RBPJ: variants seen among roughly 807,000 people sequenced by gnomAD.
RBPJ encodes recombination signal binding protein for immunoglobulin kappa J region.
RBPJ carries 9 observed loss-of-function variants against 67.8 expected under a neutral mutation model. That is an observed-to-expected ratio of 0.13 (90% confidence interval 0.08 to 0.23). RBPJ has a LOEUF of 0.23. RBPJ is among the 10% of genes least tolerant of loss of function. RBPJ has a pLI of 1.00. For missense variants in RBPJ, 305 were observed against 595.6 expected (o/e 0.51, Z 5.08); for synonymous variants, 198 against 203.3 (o/e 0.97, Z 0.22).
intron 1 of RBPJ, among the ~76,000 whole-genome samples, chr4:26,249,779 C>CTTTTTTTTTTT (rs572993839): frequency 1.4e-5 from 2 of 143,166 alleles, no homozygotes; most frequent in African/African-American, 2.6e-5. Flanking sequence ...AGAACTTTCT[C>CTTTTTTTTTTT]TTTTTTTTTT....
At chr4:26,146,177 C>T in the RBPJ span, among the ~76,000 whole-genome samples, 2 of 152,186 alleles carry the variant, frequency 1.3e-5, no homozygotes, top group African/African-American at 2.4e-5. Context: ...GAACTCCTGC[C>T]TTCAAGCAAT....
At chr4:26,146,572 C>G in the RBPJ span, among the ~76,000 whole-genome samples, 2 of 152,140 alleles carry the variant, frequency 1.3e-5, no homozygotes, top group East Asian at 1.9e-4. Context: ...TTGTGCTTCA[C>G]AAGACACCAT....
the RBPJ span, among the ~76,000 whole-genome samples, chr4:26,129,225 T>C: frequency 2.6e-5 from 4 of 152,186 alleles, no homozygotes; most frequent in Non-Finnish European, 5.9e-5. Flanking sequence ...AGTGGCCAGC[T>C]TAGCACCTCA....
intron 1 of RBPJ, among the ~76,000 whole-genome samples, chr4:26,265,341 C>G (rs1720669744): frequency 6.6e-6 from 1 of 151,928 alleles, no homozygotes; most frequent in Admixed American, 6.5e-5. Flanking sequence ...CCAGCCTGAC[C>G]AACATGATGA....
At chr4:26,158,466 G>C (rs1030518261), upstream of RBPJ, among the ~76,000 whole-genome samples, 1 of 152,126 alleles carries the variant, frequency 6.6e-6, no homozygotes, top group Admixed American at 6.5e-5. Context: ...CAAAATTATT[G>C]ATTAATAAAA....
chr4:26,349,497 C>T (rs1726577388), intron 1 of RBPJ, among the ~76,000 whole-genome samples: 1 of 152,146 alleles, frequency 6.6e-6, no homozygotes, highest in Admixed American at 6.6e-5. Flanking sequence ...GGTCCAAGTT[C>T]GTTTTATTTT....
rs138276413 is a variant in RBPJ, at chr4:26,394,502, A to T, written c.59+8111A>T. Among the ~76,000 whole-genome samples, 472 of 151,914 alleles carry T rather than the reference A, an allele frequency of 3.1e-3. 3 individuals carry two copies. Among genetic ancestry groups the T allele is most frequent in the African/African-American group, 0.01 (433 of 41,472 alleles). ...AAAAAAAACCAAATAGAATAATCAGATGTTATATAATGCATAGAACAATTA... is the reference window on the plus strand; with the variant it reads ...AAAAAAAACCAAATAGAATAATCAGTTGTTATATAATGCATAGAACAATTA... On this transcript the variant is annotated intron_variant, in intron 2 of 10. Coordinates refer to ENST00000355476, the MANE Select transcript of RBPJ (RefSeq NM_015874.6).
At chr4:26,281,161 G>T (rs762633280) in intron 1 of RBPJ, among the ~76,000 whole-genome samples, 9 of 152,266 alleles carry the variant, frequency 5.9e-5, no homozygotes, top group African/African-American at 9.6e-5. Context: ...TTTTTATGAA[G>T]AAAGGAGGTT....
At chr4:26,120,608 T>C in the RBPJ span, among the ~76,000 whole-genome samples, 3 of 152,058 alleles carry the variant, frequency 2.0e-5, no homozygotes, top group Non-Finnish European at 4.4e-5. Context: ...CTTGGCACCA[T>C]ATTGCTCAAT....
chr4:26,228,117 A>G (rs1042854858), intron 1 of RBPJ, among the ~76,000 whole-genome samples: 4 of 152,180 alleles, frequency 2.6e-5, no homozygotes, highest in Non-Finnish European at 4.4e-5. Context: ...TCTGGAAGGG[A>G]GGTCTGGACA....
chr4:26,385,865 C>G (rs900811596), intron 1 of RBPJ, among the ~76,000 whole-genome samples: 1 of 151,536 alleles, frequency 6.6e-6, no homozygotes, highest in South Asian at 2.1e-4. Context: ...TGCAGTGGCA[C>G]GATCATGACT....
chr4:26,199,660 C>T (rs1362311303), intron 1 of RBPJ, among the ~76,000 whole-genome samples: 1 of 152,144 alleles, frequency 6.6e-6, no homozygotes, highest in Non-Finnish European at 1.5e-5. Flanking sequence ...TTCTTTATCA[C>T]AGAGACTATT....
At position 26,201,834 on chromosome 4, in the gene RBPJ, AC is replaced by A. The variant is rs1283668266; in HGVS notation, c.-167+38221del. Among the ~76,000 whole-genome samples the A allele has an allele frequency of 2.6e-5, 4 of 152,206 alleles. No individual in the cohort carries two copies. The East Asian group carries it at 7.7e-4, about 29-fold the overall frequency. ...GGTTTATTCTTGCCCCCTGAGTCACACAAGAAACTCAAGACTTATACACAGA... is the reference window on the plus strand; with the variant it reads ...GGTTTATTCTTGCCCCCTGAGTCACAAAGAAACTCAAGACTTATACACAGA... On this transcript the variant is annotated intron_variant, in intron 1 of 4. Coordinates refer to the RBPJ transcript ENST00000512351.
chr4:26,180,124 A>T (rs1716929945), intron 1 of RBPJ, among the ~76,000 whole-genome samples: 2 of 152,196 alleles, frequency 1.3e-5, no homozygotes, highest in Admixed American at 6.5e-5. Flanking sequence ...CTAAATGATG[A>T]GAACACATGG....
rs1162654115 is a variant in RBPJ at position 26,269,517 on chromosome 4, A to G, written c.-166-92929A>G. On this transcript the variant is annotated intron_variant, in intron 1 of 4. Transcript: ENST00000512351. The stretch of plus-strand genomic sequence containing the variant: ...ATGATCGGCCAGCCTCGGCCTCCCA[A>G]AGTGCTGGGATTAAAGGTGTGAGCC... 3.9e-5 allele frequency among the ~76,000 whole-genome samples: 6 copies of G among 152,076 alleles called. 1 individual carries two copies. Among genetic ancestry groups the G allele is most frequent in the African/African-American group, 1.4e-4 (6 of 41,398 alleles).
Position 26,406,226 on chromosome 4 carries a change from T to C in RBPJ, c.111T>C (p.Ile37=). 6.2e-7 allele frequency: 1 copy of C among 1,612,798 alleles called. No homozygotes were observed. The highest frequency in any genetic ancestry group is 8.5e-7 in the Non-Finnish European group (1 of 1,179,288). The change falls in exon 3 of 11, where the codon ATT becomes ATC. Residue 37 remains isoleucine (I), a synonymous_variant. Coordinates refer to ENST00000355476, the MANE Select transcript of RBPJ (RefSeq NM_015874.6). The part of the protein sequence containing the change: ...LKERGDQTVL[I]LHAKVAQKSY... Reference sequence around the variant, plus strand: ...AGCGAGGGGATCAAACAGTACTTATTCTTCATGCAAAAGTTGCACAGAAGT... The same window carrying C: ...AGCGAGGGGATCAAACAGTACTTATCCTTCATGCAAAAGTTGCACAGAAGT...
At chr4:26,338,471 T>A (rs1725137445) in intron 1 of RBPJ, among the ~76,000 whole-genome samples, 1 of 151,872 alleles carries the variant, frequency 6.6e-6, no homozygotes, top group Non-Finnish European at 1.5e-5. Context: ...TGTATTTTTC[T>A]TCCATGTGCT....
intron 5 of RBPJ, among the ~76,000 whole-genome samples, chr4:26,422,074 G>C (rs1735191369): frequency 6.6e-6 from 1 of 152,072 alleles, no homozygotes; most frequent in Non-Finnish European, 1.5e-5. Flanking sequence ...TCCATATTCT[G>C]GGTTTGGCTG....
chr4:26,135,342 G>A, the RBPJ span, among the ~76,000 whole-genome samples: 1 of 152,044 alleles, frequency 6.6e-6, no homozygotes, highest in Non-Finnish European at 1.5e-5. Flanking sequence ...ACCCTCTGAA[G>A]GAGTGTGTGT....
Sources: allele counts gnomAD v4.1 joint callset (sites outside exome capture counted in the v4.1 genomes callset), GRCh38; gene constraint gnomAD v4.1.1; transcripts MANE v1.5; gene names NCBI Gene and HGNC (gene_info 2026-07-23, HGNC 2026-07-21).